The following CNTN5 variants were observed in gnomAD, a reference collection of about 807,000 sequenced individuals.
CNTN5 encodes the protein contactin-5.
CNTN5 carries 77 observed loss-of-function variants against 129.1 expected under a neutral mutation model. That is an observed-to-expected ratio of 0.60 (90% CI 0.50 to 0.72). CNTN5 has a LOEUF of 0.72. Ranked by LOEUF, CNTN5 falls within the 30% of genes least tolerant of loss-of-function variation. The pLI, the probability that CNTN5 is intolerant of heterozygous loss-of-function variation, is 0.00. For synonymous variants in CNTN5, 509 were observed against 465.6 expected (o/e 1.09, Z -1.20); for missense variants, 1,478 against 1,328.8 (o/e 1.11, Z -1.75).
intron 6 of CNTN5, among the ~76,000 whole-genome samples, chr11:99,857,221 A>G (rs938158743): frequency 3.3e-5 from 5 of 152,198 alleles, no homozygotes; most frequent in Non-Finnish European, 5.9e-5. Flanking sequence ...TTATTAGACT[A>G]TAAACTCATT....
chr11:99,877,062 T>C (rs1948652224), intron 6 of CNTN5, among the ~76,000 whole-genome samples: 1 of 152,190 alleles, frequency 6.6e-6, no homozygotes, highest in Non-Finnish European at 1.5e-5. Context: ...TGCCATGATA[T>C]AGATGGTTTT....
intron 9 of CNTN5, among the ~76,000 whole-genome samples, chr11:100,042,561 C>T (rs1942443448): frequency 6.6e-6 from 1 of 152,160 alleles, no homozygotes; most frequent in Non-Finnish European, 1.5e-5. Context: ...TAAATCTTCA[C>T]AGCTAAGTAT....
At chr11:100,272,210 T>C (rs1368255758) in intron 18 of CNTN5, among the ~76,000 whole-genome samples, 1 of 152,164 alleles carries the variant, frequency 6.6e-6, no homozygotes, top group African/African-American at 2.4e-5. Flanking sequence ...TGCCCTATAC[T>C]GAAACCTAGA....
rs989698359 is a variant in CNTN5 at position 100,354,607 on chromosome 11, C to T, written c.3200-1510C>T. Among the ~76,000 whole-genome samples the T allele has an allele frequency of 2.6e-5, 4 of 151,544 alleles. 1 individual carries two copies. The South Asian group carries it at 6.2e-4, about 24-fold the overall frequency. ...TAAAATTTACTAGAGTAAGCATAGT[C>T]ATGTATTTCTTAATGATGAGGATAA... On this transcript the variant is annotated intron_variant, in intron 24 of 24. Coordinates refer to ENST00000524871, the MANE Select transcript of CNTN5 (RefSeq NM_014361.4).
intron 1 of CNTN5, among the ~76,000 whole-genome samples, chr11:99,323,810 G>T (rs994523795): frequency 1.3e-5 from 2 of 151,922 alleles, no homozygotes; most frequent in African/African-American, 4.8e-5. Flanking sequence ...TTAATTTTGT[G>T]CAAGAAGGCA....
At chr11:99,066,949 G>T (rs1166694257) in intron 1 of CNTN5, among the ~76,000 whole-genome samples, 1 of 152,096 alleles carries the variant, frequency 6.6e-6, no homozygotes, top group East Asian at 1.9e-4. Context: ...CAATCCAGGG[G>T]CTTTCATCCA....
chr11:100,298,184 TTAGAG>T (rs906655428), intron 19 of CNTN5, among the ~76,000 whole-genome samples: 31 of 151,592 alleles, frequency 2.0e-4, no homozygotes, highest in African/African-American at 7.5e-4. Flanking sequence ...GAAATGCCTG[TTAGAG>T]TAAATAGAGC....
chr11:100,160,685 G>C lies in CNTN5; in HGVS notation c.1581-30441G>C, dbSNP rs771198459. Among the ~76,000 whole-genome samples the C allele has an allele frequency of 1.0e-3, 154 of 151,902 alleles. 1 individual carries two copies. Among genetic ancestry groups the C allele is most frequent in the Admixed American group, 1.2e-3 (18 of 15,214 alleles). ...AAGTTACTTCTACTTATGGGGAAAA[G>C]TCAACTATACATTCATAAATGATTA... On this transcript the variant is annotated intron_variant, in intron 13 of 24. Coordinates refer to ENST00000524871, the MANE Select transcript of CNTN5 (RefSeq NM_014361.4).
chr11:99,278,082 T>C (rs779976878), intron 1 of CNTN5, among the ~76,000 whole-genome samples: 3 of 151,738 alleles, frequency 2.0e-5, no homozygotes, highest in Non-Finnish European at 2.9e-5. Flanking sequence ...AGGAATCTAG[T>C]TGACTTCATT....
In CNTN5 at chr11:100,033,186, A is replaced by G. The variant is rs534635609; in HGVS notation, c.981-28026A>G. 2.6e-5 allele frequency among the ~76,000 whole-genome samples: 4 copies of G among 152,316 alleles called. No homozygotes were observed. In the South Asian group the frequency reaches 8.3e-4, roughly 32 times the overall value. ...TAATGAGCCCAGACGTGCAGACTAC[A>G]GTGTTCCAAACTATAAACGTCAAAT... On this transcript the variant is annotated intron_variant, in intron 9 of 24. Coordinates refer to ENST00000524871, the MANE Select transcript of CNTN5 (RefSeq NM_014361.4).
chr11:100,167,719 G>C (rs150755856), intron 13 of CNTN5, among the ~76,000 whole-genome samples: 74 of 152,032 alleles, frequency 4.9e-4, no homozygotes, highest in African/African-American at 1.8e-3. Context: ...CACTTAAACT[G>C]AGAACTGACT....
intron 7 of CNTN5, among the ~76,000 whole-genome samples, chr11:99,934,949 CACACA>C (rs1337953569): frequency 3.7e-5 from 3 of 80,772 alleles, no homozygotes; most frequent in Non-Finnish European, 6.8e-5. Context: ...TATATATATA[CACACA>C]CATATATATG....
intron 2 of CNTN5, among the ~76,000 whole-genome samples, chr11:99,413,069 A>G (rs1213802399): frequency 6.6e-6 from 1 of 152,084 alleles, no homozygotes; most frequent in Non-Finnish European, 1.5e-5. Flanking sequence ...CTTTTATTTC[A>G]CTGTTCTTTA....
chr11:99,407,418 G>A (rs907135691), intron 2 of CNTN5, among the ~76,000 whole-genome samples: 1 of 134,994 alleles, frequency 7.4e-6, no homozygotes, highest in African/African-American at 3.0e-5. Context: ...TGGCTGAGCT[G>A]GTATCCAAGA....
At chr11:99,560,760 T>C (rs1179247900) in intron 3 of CNTN5, among the ~76,000 whole-genome samples, 1 of 152,122 alleles carries the variant, frequency 6.6e-6, no homozygotes, top group East Asian at 1.9e-4. Flanking sequence ...TCCATAAACA[T>C]GTATACTGGA....
intron 13 of CNTN5, among the ~76,000 whole-genome samples, chr11:100,131,842 A>C (rs1368795389): frequency 6.6e-6 from 1 of 152,102 alleles, no homozygotes; most frequent in Admixed American, 6.6e-5. Context: ...TTGAACAAAA[A>C]TAATTTCAAC....
At chr11:100,139,732 CACATACCTGTA>C (rs1221952687) in intron 13 of CNTN5, among the ~76,000 whole-genome samples, 1 of 152,046 alleles carries the variant, frequency 6.6e-6, no homozygotes, top group African/African-American at 2.4e-5. Context: ...GGTGTGATGG[CACATACCTGTA>C]ACCCCAGCTA....
intron 2 of CNTN5, among the ~76,000 whole-genome samples, chr11:99,425,314 T>G (rs1943070158): frequency 6.6e-6 from 1 of 152,318 alleles, no homozygotes; most frequent in Middle Eastern, 3.4e-3. Context: ...AGGCTGTTTT[T>G]GTTTTGGAGG....
At chr11:99,987,601 G>A (rs756246268) in intron 8 of CNTN5, among the ~76,000 whole-genome samples, 4 of 151,426 alleles carry the variant, frequency 2.6e-5, no homozygotes, top group East Asian at 1.9e-4. Context: ...GATTAACTTG[G>A]TGAGAGAAGT....
Sources: allele counts gnomAD v4.1 joint callset (sites outside exome capture counted in the v4.1 genomes callset), GRCh38; gene constraint gnomAD v4.1.1; transcripts MANE v1.5; gene names NCBI Gene and HGNC (gene_info 2026-07-23, HGNC 2026-07-21).